HAO1: variants seen among roughly 807,000 people sequenced by gnomAD.
HAO1 encodes hydroxyacid oxidase 1, also known as 2-Hydroxyacid oxidase 1.
HAO1 carries 34 observed loss-of-function variants against 39.7 expected under a neutral mutation model. That is an observed-to-expected ratio of 0.86 (90% confidence interval 0.65 to 1.14). The LOEUF is 1.14. HAO1 is among the 50% of genes most tolerant of loss of function. The pLI, the probability that HAO1 is intolerant of heterozygous loss-of-function variation, is 0.00. For missense variants in HAO1, 479 were observed against 464.5 expected (o/e 1.03, Z -0.29); for synonymous variants, 172 against 173.2 (o/e 0.99, Z 0.05).
At chr20:7,931,478 G>A (rs890832987) in intron 2 of HAO1, among the ~76,000 whole-genome samples, 1 of 152,048 alleles carries the variant, frequency 6.6e-6, no homozygotes, top group Non-Finnish European at 1.5e-5. Flanking sequence ...TGCATCCCTA[G>A]GCAAGGTTAT....
At chr20:7,936,548 T>TGTGTGTGTGTGTGTGTGTGTTCG (rs1555775557) in intron 1 of HAO1, among the ~76,000 whole-genome samples, 1 of 50,722 alleles carries the variant, frequency 2.0e-5, no homozygotes, top group Non-Finnish European at 4.6e-5. Context: ...GTGTGTGTGT[T>TGTGTGTGTGTGTGTGTGTGTTCG]CGCGCGCGCG....
intron 4 of HAO1, among the ~76,000 whole-genome samples, chr20:7,904,025 G>A (rs1025176159): frequency 2.6e-5 from 4 of 152,108 alleles, no homozygotes; most frequent in Admixed American, 1.3e-4. Context: ...TAAAGTTGTA[G>A]AAAATGATAT....
chr20:7,904,367 T>C (rs1046576331), intron 4 of HAO1, among the ~76,000 whole-genome samples: 21 of 152,234 alleles, frequency 1.4e-4, no homozygotes, highest in Non-Finnish European at 8.8e-5. Flanking sequence ...AAAATGCTTA[T>C]ATGATGAGGT....
At position 7,896,718 on chromosome 20, in the gene HAO1, CTTTCT is replaced by C. The variant is rs2050199532; in HGVS notation, c.722-1499_722-1495del. Among the ~76,000 whole-genome samples the C allele has an allele frequency of 2.0e-5, 3 of 152,040 alleles. 1 individual carries two copies. The highest frequency in any genetic ancestry group is 4.1e-4 in the South Asian group (2 of 4,820). On this transcript the variant is annotated intron_variant, in intron 4 of 7. Transcript: ENST00000378789. ...AGGATTAGATTAGATTTCTAACTGC[CTTTCT>C]TTTCTTTTCTTTTTTCCATTTACTG...
At chr20:7,901,220 T>C (rs149922095) in intron 4 of HAO1, among the ~76,000 whole-genome samples, 1 of 152,278 alleles carries the variant, frequency 6.6e-6, no homozygotes, top group Admixed American at 6.5e-5. Context: ...TGCAGCAAGT[T>C]ATCCAGGAGA....
chr20:7,911,500 A>C (rs2050279332), intron 3 of HAO1, among the ~76,000 whole-genome samples: 1 of 152,188 alleles, frequency 6.6e-6, no homozygotes, highest in African/African-American at 2.4e-5. Flanking sequence ...AAGCCTCAGG[A>C]ATCAGTCTAC....
At position 7,897,392 on chromosome 20, in the gene HAO1, T is replaced by TC. The variant is rs201803203; in HGVS notation, c.722-2169dup. Among the ~76,000 whole-genome samples, 610 of 152,254 alleles carry TC rather than the reference T, an allele frequency of 4.0e-3. 1 individual carries two copies. The highest frequency in any genetic ancestry group is 0.014 in the African/African-American group (575 of 41,568). On this transcript the variant is annotated intron_variant, in intron 4 of 7. Transcript: ENST00000378789. ...TTTCTTTTACTTTTCTACCTGAAAC[T>TC]CCTATCAGTTGGATATTGGACATTT... is the stretch of plus-strand genomic sequence containing the variant.
chr20:7,912,064 T>C (rs1216711791), intron 3 of HAO1, among the ~76,000 whole-genome samples: 1 of 152,118 alleles, frequency 6.6e-6, no homozygotes, highest in Admixed American at 6.5e-5. Context: ...CTGCGGGGTG[T>C]TTCCCGTGTT....
intron 2 of HAO1, among the ~76,000 whole-genome samples, chr20:7,925,395 T>G (rs1421078065): frequency 6.6e-6 from 1 of 152,108 alleles, no homozygotes; most frequent in Non-Finnish European, 1.5e-5. Flanking sequence ...CTAGACCTCT[T>G]TTTTACTTAT....
At position 7,914,156 on chromosome 20, in the gene HAO1, A is replaced by T. The variant is rs75277125; in HGVS notation, c.545+8T>A. On this transcript the variant is annotated splice_region_variant and intron_variant, in intron 3 of 7. Coordinates refer to ENST00000378789, the MANE Select transcript of HAO1 (RefSeq NM_017545.3). ...GCCTCAGCTCGGGGCCCACATGATCATGGTTACCTGAGTTGTGGCGGCAGT... is the reference window on the plus strand; with the variant it reads ...GCCTCAGCTCGGGGCCCACATGATCTTGGTTACCTGAGTTGTGGCGGCAGT... The T allele has an allele frequency of 2.4e-5, 39 of 1,613,246 alleles. No individual in the cohort carries two copies. Among genetic ancestry groups the T allele is most frequent in the Non-Finnish European group, 9.3e-6 (11 of 1,179,366 alleles).
At chr20:7,916,365 C>T (rs2050307079) in intron 2 of HAO1, among the ~76,000 whole-genome samples, 1 of 152,176 alleles carries the variant, frequency 6.6e-6, no homozygotes, top group South Asian at 2.1e-4. Flanking sequence ...TACCATGCAT[C>T]AAATGGGTAT....
chr20:7,903,813 T>A (rs1600110218), intron 4 of HAO1, among the ~76,000 whole-genome samples: 1 of 122,456 alleles, frequency 8.2e-6, no homozygotes, highest in Non-Finnish European at 1.6e-5. Context: ...TGGTGGTGGG[T>A]GGCAGCAGTG....
rs201859601 is a variant in HAO1 at position 7,934,563 on chromosome 20, C to A, written c.210G>T (p.Arg70Ser). The A allele has an allele frequency of 1.6e-4, 258 of 1,612,942 alleles. No individual in the cohort carries two copies. The East Asian group carries it at 5.4e-3, about 34-fold the overall frequency. ...TDLSTSVLGQ[R>S]VSMPICVGAT... ...CCCCCACACATATTGGCATGCTGAC[C>A]CTCTGTCCTAAAACAGAAGTCGACA... is the stretch of plus-strand genomic sequence containing the variant. Residue 70 changes from arginine (R) to serine (S), a missense_variant, in exon 2 of 8, where the codon AGG (arginine) becomes AGT (serine). Coordinates refer to ENST00000378789, the MANE Select transcript of HAO1 (RefSeq NM_017545.3).
intron 3 of HAO1, among the ~76,000 whole-genome samples, chr20:7,909,043 C>G (rs973117370): frequency 6.6e-6 from 1 of 152,030 alleles, no homozygotes; most frequent in African/African-American, 2.4e-5. Context: ...ACCCCACCCC[C>G]ATCCCAAACA....
At position 7,885,879 on chromosome 20, in the gene HAO1, G is replaced by T. The variant is rs747000022; in HGVS notation, c.814-15C>A. ...AGAACATCAATCTGGGGAAAGAAAAGTTCAATAATGTGACTCTATTAACAC... is the reference window on the plus strand; with the variant it reads ...AGAACATCAATCTGGGGAAAGAAAATTTCAATAATGTGACTCTATTAACAC... On this transcript the variant is annotated splice_polypyrimidine_tract_variant and intron_variant, in intron 5 of 7. Coordinates refer to ENST00000378789, the MANE Select transcript of HAO1 (RefSeq NM_017545.3). 6.2e-7 allele frequency: 1 copy of T among 1,607,292 alleles called. No individual in the cohort carries two copies. Among genetic ancestry groups the T allele is most frequent in the South Asian group, 1.1e-5 (1 of 90,826 alleles).
intron 2 of HAO1, among the ~76,000 whole-genome samples, chr20:7,924,226 G>GTTGTTGT (rs771187000): frequency 6.8e-6 from 1 of 146,126 alleles, no homozygotes; most frequent in South Asian, 2.1e-4. Flanking sequence ...TGTTGTTGTT[G>GTTGTTGT]TTTGTTTGTT....
chr20:7,899,566 A>G (rs1222763777), intron 4 of HAO1, among the ~76,000 whole-genome samples: 1 of 152,088 alleles, frequency 6.6e-6, no homozygotes, highest in Non-Finnish European at 1.5e-5. Context: ...AGTGGTTTTT[A>G]TATTCTTCAG....
chr20:7,902,518 C>G, intron 4 of HAO1, among the ~76,000 whole-genome samples: 1 of 152,114 alleles, frequency 6.6e-6, no homozygotes, highest in Non-Finnish European at 1.5e-5. Context: ...AAATAGACTA[C>G]AGTATAGCAA....
chr20:7,899,641 CT>C (rs1424123867), intron 4 of HAO1, among the ~76,000 whole-genome samples: 1 of 152,112 alleles, frequency 6.6e-6, no homozygotes, highest in Non-Finnish European at 1.5e-5. Context: ...TTGTGAATTT[CT>C]AGAGAAGCAA....
Sources: gnomAD v4.1 joint callset for allele counts (sites outside exome capture counted in the v4.1 genomes callset) on GRCh38, gnomAD v4.1.1 for gene constraint, MANE v1.5 for transcripts, NCBI Gene and HGNC (gene_info 2026-07-23, HGNC 2026-07-21) for gene names.